LRRC9: variants seen among roughly 807,000 people sequenced by gnomAD.
LRRC9 encodes leucine-rich repeat-containing protein 9.
In LRRC9, 122 loss-of-function variants were observed where a neutral mutation model predicts 63.2. That is an observed-to-expected ratio of 1.93 (90% confidence interval 1.67 to 2.24). The LOEUF is 2.24. Ranked by LOEUF, LRRC9 falls within the 30% of genes most tolerant of loss-of-function variation. LRRC9 has a pLI of 0.00. For synonymous variants in LRRC9, 366 were observed against 213.1 expected (o/e 1.72, Z -6.25); for missense variants, 1,071 against 627.7 (o/e 1.71, Z -7.55).
chr14:60,016,244 C>T (rs1327091279), intron 23 of LRRC9, among the ~76,000 whole-genome samples: 4 of 152,128 alleles, frequency 2.6e-5, no homozygotes, highest in Non-Finnish European at 5.9e-5. Flanking sequence ...CTCACTCTGT[C>T]ACCCAGACTG....
downstream of LRRC9, among the ~76,000 whole-genome samples, chr14:60,064,542 T>C (rs1894833450): frequency 6.6e-6 from 1 of 152,238 alleles, no homozygotes; most frequent in African/African-American, 2.4e-5. Flanking sequence ...ATGTCTTTAC[T>C]TTAATCATGT....
intron 29 of LRRC9, among the ~76,000 whole-genome samples, chr14:60,036,701 T>G (rs1892462823): frequency 6.9e-6 from 1 of 145,506 alleles, no homozygotes. Flanking sequence ...TTGCCAGATT[T>G]TTCTGTTGTA....
intron 16 of LRRC9, among the ~76,000 whole-genome samples, chr14:59,984,528 T>A (rs982509190): frequency 6.6e-6 from 1 of 152,194 alleles, no homozygotes; most frequent in Non-Finnish European, 1.5e-5. Flanking sequence ...TGTGTAATAA[T>A]ATTTGTTTTT....
At chr14:59,988,373 G>A (rs183399797) in intron 17 of LRRC9, among the ~76,000 whole-genome samples, 14 of 152,228 alleles carry the variant, frequency 9.2e-5, no homozygotes, top group African/African-American at 2.2e-4. Context: ...GCACGCATGC[G>A]TGTGTATAAA....
intron 29 of LRRC9, among the ~76,000 whole-genome samples, chr14:60,034,015 C>CTTTTTTTTTTTTTTTTTTTTTTTT (rs1157239003): frequency 2.6e-5 from 3 of 116,058 alleles, no homozygotes; most frequent in East Asian, 2.6e-4. Flanking sequence ...TTTTTTCTTT[C>CTTTTTTTTTTTTTTTTTTTTTTTT]TTTTTTTTTT....
intron 29 of LRRC9, among the ~76,000 whole-genome samples, chr14:60,033,584 G>A (rs1193179876): frequency 6.6e-6 from 1 of 152,048 alleles, no homozygotes. Flanking sequence ...TAATAGACTA[G>A]TGTTAAACCA....
At chr14:59,999,844 A>C (rs1194422913) in intron 19 of LRRC9, among the ~76,000 whole-genome samples, 1 of 152,052 alleles carries the variant, frequency 6.6e-6, no homozygotes, top group African/African-American at 2.4e-5. Context: ...TTTATTGATA[A>C]AAAATAATAA....
chr14:60,006,962 A>G (rs1174071707), intron 22 of LRRC9, among the ~76,000 whole-genome samples: 2 of 152,038 alleles, frequency 1.3e-5, no homozygotes, highest in Non-Finnish European at 2.9e-5. Context: ...CTTTGCTCAG[A>G]TTTGCTTTTG....
In LRRC9 at chr14:59,958,459, G is replaced by A. The variant is rs1019330458; in HGVS notation, c.883-1359G>A. On this transcript the variant is annotated intron_variant, in intron 8 of 31. Transcript: ENST00000445360. This position sits in a 1 kb window ranked among gnomAD's most constrained non-coding sequence, Gnocchi z 4.0. Reference sequence around the variant, plus strand: ...ACCACCTACTAAAGCCTCAGTAATGGTGGACACCCCTGCCCCAACCAAGCT... The same window carrying A: ...ACCACCTACTAAAGCCTCAGTAATGATGGACACCCCTGCCCCAACCAAGCT... Among the ~76,000 whole-genome samples, 12 of 152,188 alleles carry A rather than the reference G, an allele frequency of 7.9e-5. No homozygotes were observed. The highest frequency in any genetic ancestry group is 2.4e-4 in the African/African-American group (10 of 41,454).
chr14:59,939,020 T>C (rs200221541), intron 7 of LRRC9, among the ~76,000 whole-genome samples: 4 of 146,646 alleles, frequency 2.7e-5, no homozygotes, highest in Admixed American at 6.9e-5. Context: ...TACACATATA[T>C]ATATACATAT....
intron 31 of LRRC9, among the ~76,000 whole-genome samples, chr14:60,062,462 A>T (rs1019075730): frequency 6.6e-6 from 1 of 152,214 alleles, no homozygotes; most frequent in African/African-American, 2.4e-5. Context: ...GGAACAATGA[A>T]ATAGCTACAT....
intron 30 of LRRC9, among the ~76,000 whole-genome samples, chr14:60,056,370 T>C (rs1222071346): frequency 6.6e-6 from 1 of 152,208 alleles, no homozygotes; most frequent in Non-Finnish European, 1.5e-5. Flanking sequence ...ACTTTGAAGA[T>C]CCCAATTTTC....
rs770321662 is a variant in LRRC9 at position 60,003,601 on chromosome 14, C to A, written c.2665-20C>A. On this transcript the variant is annotated intron_variant, in intron 20 of 31. Transcript: ENST00000445360. The surrounding 1 kb of genome is among the most constrained non-coding windows in gnomAD (Gnocchi z 4.2). ...ATTTATAAGATTTAGAAATAACATACAATGTAAATTATTCTACAGATAACT... is the reference window on the plus strand; with the variant it reads ...ATTTATAAGATTTAGAAATAACATAAAATGTAAATTATTCTACAGATAACT... The A allele has an allele frequency of 4.9e-6, 3 of 610,766 alleles. No individual in the cohort carries two copies. Among genetic ancestry groups the A allele is most frequent in the South Asian group, 2.0e-5 (1 of 50,090 alleles). The allele number at this position is 610,766 out of a possible 1,614,324, so 37.8% of individuals were successfully genotyped here.
chr14:59,942,803 A>G lies in LRRC9; in HGVS notation c.727-1786A>G, dbSNP rs948457509. Among the ~76,000 whole-genome samples the G allele has an allele frequency of 6.6e-6, 1 of 151,962 alleles. No homozygotes were observed. The highest frequency in any genetic ancestry group is 2.4e-5 in the African/African-American group (1 of 41,362). ...CTTTTTTTTTTCTGTCTTTTTGATA[A>G]TAGCCATTCTAACTAGGTGAGATTA... On this transcript the variant is annotated intron_variant, in intron 7 of 31. Transcript: ENST00000445360. This position sits in a 1 kb window ranked among gnomAD's most constrained non-coding sequence, Gnocchi z 5.3.
chr14:60,034,457 T>C (rs1030465475), intron 29 of LRRC9, among the ~76,000 whole-genome samples: 1 of 152,140 alleles, frequency 6.6e-6, no homozygotes, highest in African/African-American at 2.4e-5. Context: ...TGGAAATAAA[T>C]ATATTTATAT....
At position 60,053,262 on chromosome 14, in the gene LRRC9, G is replaced by T. The variant is rs1894024128; in HGVS notation, c.4131+57G>T. Reference sequence around the variant, plus strand: ...TGAAGCACATTAATGGTTAGTAAATGAACATTATATCTTTTGATTTAAATG... The same window carrying T: ...TGAAGCACATTAATGGTTAGTAAATTAACATTATATCTTTTGATTTAAATG... On this transcript the variant is annotated intron_variant, in intron 30 of 31. Transcript: ENST00000445360. This position sits in a 1 kb window ranked among gnomAD's most constrained non-coding sequence, Gnocchi z 4.8. The T allele has an allele frequency of 1.5e-6, 1 of 661,992 alleles. No homozygotes were observed. Among genetic ancestry groups the T allele is most frequent in the African/African-American group, 1.8e-5 (1 of 55,436 alleles). The allele number at this position is 661,992 out of a possible 1,614,324, so 41.0% of individuals were successfully genotyped here.
Position 59,947,948 on chromosome 14 carries a change from T to G in LRRC9, c.882+3204T>G, listed in dbSNP as rs557388173. On this transcript the variant is annotated intron_variant, in intron 8 of 31. Transcript: ENST00000445360. ...GTTTGAAGTCAGGTAGTGTGATGCC[T>G]CCAGCTTTGTTCTTTTGGCTTCAGA... is the stretch of plus-strand genomic sequence containing the variant. Among the ~76,000 whole-genome samples the G allele has an allele frequency of 2.7e-3, 410 of 152,148 alleles. 3 individuals are homozygous for G. Among genetic ancestry groups the G allele is most frequent in the African/African-American group, 9.5e-3 (392 of 41,476 alleles).
chr14:60,025,704 A>C (rs1337361154), intron 27 of LRRC9, among the ~76,000 whole-genome samples: 2 of 151,592 alleles, frequency 1.3e-5, no homozygotes, highest in African/African-American at 4.9e-5. Flanking sequence ...AGAAAGTGAC[A>C]TTCAGTGTGG....
intron 12 of LRRC9, among the ~76,000 whole-genome samples, chr14:59,968,069 T>C (rs544713836): frequency 2.4e-4 from 36 of 152,276 alleles, no homozygotes; most frequent in South Asian, 1.9e-3. Context: ...GGAATATACA[T>C]ACAATGGAAT....
Sources: allele counts gnomAD v4.1 joint callset (sites outside exome capture counted in the v4.1 genomes callset), GRCh38; gene constraint gnomAD v4.1.1; non-coding constraint Gnocchi (gnomAD v3.1); transcripts MANE v1.5; gene names NCBI Gene and HGNC (gene_info 2026-07-23, HGNC 2026-07-21).